Variants in ADK observed in about 807,000 individuals in gnomAD.
The protein encoded by ADK is adenosine kinase, also known as N6,N6-dimethyladenosine kinase.
Under a neutral mutation model 44.7 loss-of-function variants are expected in ADK, and 24 were observed. That is an observed-to-expected ratio of 0.54 (90% CI 0.39 to 0.76). The LOEUF is 0.76. Ranked by LOEUF, ADK falls within the 30% of genes least tolerant of loss-of-function variation. The probability of loss-of-function intolerance (pLI) is 0.00; values close to 1 mark genes in which losing one functional copy is unlikely to be tolerated. For missense variants in ADK, 321 were observed against 425.1 expected (o/e 0.76, Z 2.15); for synonymous variants, 128 against 142.6 (o/e 0.90, Z 0.73).
chr10:74,481,535 C>A (rs1847073470), intron 6 of ADK, among the ~76,000 whole-genome samples: 1 of 152,130 alleles, frequency 6.6e-6, no homozygotes, highest in Non-Finnish European at 1.5e-5. Flanking sequence ...GTTTCACCAT[C>A]TGTTAATATG....
intron 3 of ADK, among the ~76,000 whole-genome samples, chr10:74,293,449 C>T (rs189772440): frequency 3.9e-5 from 6 of 152,216 alleles, no homozygotes; most frequent in African/African-American, 1.4e-4. Context: ...CTGTTGTTCA[C>T]TCAGTGACTG....
At chr10:74,303,429 G>C (rs982500387) in intron 3 of ADK, among the ~76,000 whole-genome samples, 15 of 151,718 alleles carry the variant, frequency 9.9e-5, no homozygotes, top group Non-Finnish European at 2.1e-4. Context: ...TACCCTTCAG[G>C]CTATTCTTTA....
intron 3 of ADK, among the ~76,000 whole-genome samples, chr10:74,238,897 C>T (rs542866658): frequency 1.7e-5 from 2 of 121,066 alleles, no homozygotes; most frequent in African/African-American, 6.4e-5. Context: ...GAGTCTCGCT[C>T]TGTTCCAGGC....
At chr10:74,337,943 A>G (rs184923009) in intron 4 of ADK, among the ~76,000 whole-genome samples, 2 of 151,854 alleles carry the variant, frequency 1.3e-5, no homozygotes, top group Non-Finnish European at 2.9e-5. Flanking sequence ...TGTATTTAAG[A>G]ATCTTAAATG....
intron 9 of ADK, among the ~76,000 whole-genome samples, chr10:74,634,264 G>A (rs1853543303): frequency 6.6e-6 from 1 of 152,030 alleles, no homozygotes; most frequent in Admixed American, 6.5e-5. Context: ...GAGTGCAGTG[G>A]AGTGCAGTGG....
chr10:74,654,623 C>T (rs1460586118), intron 9 of ADK, among the ~76,000 whole-genome samples: 1 of 152,108 alleles, frequency 6.6e-6, no homozygotes, highest in Non-Finnish European at 1.5e-5. Context: ...CTAGCCTGGC[C>T]AACATGGGGA....
chr10:74,458,924 C>A (rs551140264), intron 6 of ADK, among the ~76,000 whole-genome samples: 2 of 152,094 alleles, frequency 1.3e-5, no homozygotes, highest in South Asian at 4.2e-4. Flanking sequence ...TAAAAACATA[C>A]ACATATATAC....
chr10:74,391,652 T>TACACACACACACACACAC (rs71475280), intron 4 of ADK, among the ~76,000 whole-genome samples: 75 of 74,294 alleles, frequency 1.0e-3, no homozygotes, highest in African/African-American at 2.5e-3. Flanking sequence ...GGCAAGAATA[T>TACACACACACACACACAC]ACACACACAC....
In ADK at chr10:74,221,852, C is replaced by G. The variant is rs572131149; in HGVS notation, c.141-2686C>G. ...GCTGAAACTGGATCCCTTCCTTACA[C>G]CTTATACAAAAATCAATTCAAGATG... On this transcript the variant is annotated intron_variant, in intron 2 of 10. Transcript: ENST00000539909. Among the ~76,000 whole-genome samples, 10 of 150,504 alleles carry G rather than the reference C, an allele frequency of 6.6e-5. No homozygotes were observed. The East Asian group carries it at 1.9e-3, about 29-fold the overall frequency.
intron 7 of ADK, among the ~76,000 whole-genome samples, chr10:74,576,822 G>A (rs1851198685): frequency 6.6e-6 from 1 of 151,970 alleles, no homozygotes; most frequent in African/African-American, 2.4e-5. Flanking sequence ...CTCATTCTTT[G>A]TCATGGAGAC....
At chr10:74,207,279 T>C (rs531326721) in intron 2 of ADK, among the ~76,000 whole-genome samples, 2 of 152,280 alleles carry the variant, frequency 1.3e-5, no homozygotes, top group African/African-American at 2.4e-5. Flanking sequence ...CAGCCCTGGA[T>C]TGGGAACCCC....
intron 6 of ADK, among the ~76,000 whole-genome samples, chr10:74,494,140 G>A (rs1399426961): frequency 6.6e-6 from 1 of 152,056 alleles, no homozygotes; most frequent in African/African-American, 2.4e-5. Context: ...ACAGTTTACT[G>A]ATTTTGTCCT....
rs200476319 is a variant in ADK, at chr10:74,495,289, A to AT, written c.556-29958dup. 7.8e-3 allele frequency among the ~76,000 whole-genome samples: 1,132 copies of AT among 145,936 alleles called. 13 individuals carry two copies. Among genetic ancestry groups the AT allele is most frequent in the African/African-American group, 0.026 (1,028 of 39,592 alleles). On this transcript the variant is annotated intron_variant, in intron 6 of 10. Transcript: ENST00000539909. ...ATTTTTCATTTTTTCTTTCTTTTTG[A>AT]TTTTTTTTTCCTTTTTTTTCTCTTT...
chr10:74,577,099 G>A (rs552356725), intron 7 of ADK, among the ~76,000 whole-genome samples: 1 of 126,108 alleles, frequency 7.9e-6, no homozygotes, highest in East Asian at 2.3e-4. Flanking sequence ...TTAGTGTTTT[G>A]TATTATTTCT....
At chr10:74,480,206 T>TTTTCTTTCTTTCTTTCTTTCTTTC (rs71024511) in intron 6 of ADK, among the ~76,000 whole-genome samples, 98 of 142,644 alleles carry the variant, frequency 6.9e-4, no homozygotes, top group African/African-American at 2.4e-3. Flanking sequence ...GGCAGCCTAA[T>TTTTCTTTCTTTCTTTCTTTCTTTC]TTTCTTTCTT....
At chr10:74,394,714 A>AGT (rs1231096608) in intron 5 of ADK, among the ~76,000 whole-genome samples, 1 of 152,046 alleles carries the variant, frequency 6.6e-6, no homozygotes, top group South Asian at 2.1e-4. Flanking sequence ...ACAGAGAGAG[A>AGT]GTGTGTGTGT....
At chr10:74,406,505 A>AAAT (rs150030020) in intron 6 of ADK, among the ~76,000 whole-genome samples, 347 of 133,982 alleles carry the variant, frequency 2.6e-3, no homozygotes, top group Admixed American at 7.5e-3. Context: ...ACTCCGATTA[A>AAAT]AATAATAATA....
At chr10:74,458,402 G>A (rs546146622) in intron 6 of ADK, among the ~76,000 whole-genome samples, 3 of 149,284 alleles carry the variant, frequency 2.0e-5, no homozygotes, top group African/African-American at 2.5e-5. Flanking sequence ...GGTTGCCAAC[G>A]TGTTGGGATT....
At chr10:74,679,957 C>CA (rs1184258722) in intron 10 of ADK, among the ~76,000 whole-genome samples, 8 of 150,986 alleles carry the variant, frequency 5.3e-5, no homozygotes, top group Admixed American at 2.0e-4. Context: ...GACTCCATCC[C>CA]AAAAAACAAA....
Sources: allele counts gnomAD v4.1 joint callset (sites outside exome capture counted in the v4.1 genomes callset), GRCh38; gene constraint gnomAD v4.1.1; transcripts MANE v1.5; gene names NCBI Gene and HGNC (gene_info 2026-07-23, HGNC 2026-07-21).